Variants in ZXDC observed in about 807,000 individuals in gnomAD.
ZXDC encodes the protein zinc finger protein ZXDC.
A neutral mutation model predicts 63.6 loss-of-function variants in ZXDC; 58 were observed. That is an observed-to-expected ratio of 0.91 (90% CI 0.74 to 1.13). ZXDC has a LOEUF of 1.13. Ranked by LOEUF, ZXDC falls within the 50% of genes most tolerant of loss-of-function variation. The pLI is 0.00. For missense variants in ZXDC, 1,133 were observed against 1,148.9 expected, an observed-to-expected ratio of 0.99 and a Z score of 0.20; for synonymous variants, 561 against 496.1, an observed-to-expected ratio of 1.13 and a Z score of -1.74.
rs2107665473 is a variant in ZXDC at position 126,475,789 on chromosome 3, C to T, written c.77G>A (p.Arg26Gln). ...GCTCGCGCCGAGCGGCGCTGGGGCT[C>T]GGCGGAGCGGGCCGGGGCCGCCGCC... Reference protein sequence around the residue: ...QHGGGPGPLRRAPAPLGASPA... With the variant: ...QHGGGPGPLRQAPAPLGASPA... Residue 26 changes from arginine to glutamine, a missense_variant, in exon 1 of 10, where the codon CGA becomes CAA. Coordinates refer to ENST00000389709, the MANE Select transcript of ZXDC (RefSeq NM_025112.5). 10 of 1,108,972 alleles carry T rather than the reference C, an allele frequency of 9.0e-6. No homozygotes were observed. The highest frequency in any genetic ancestry group is 9.9e-6 in the Non-Finnish European group (9 of 911,060). 68.7% of individuals were successfully genotyped at this position (1,108,972 alleles called of 1,614,324 possible).
At chr3:126,458,982 A>G (rs1184652855) in intron 7 of ZXDC, 2 of 980,616 alleles carry the variant, frequency 2.0e-6, no homozygotes, top group East Asian at 2.3e-4. Flanking sequence ...ATATAAAATC[A>G]TATCAACCCT....
chr3:126,457,633 C>G (rs570795756), intron 7 of ZXDC: 1 of 985,338 alleles, frequency 1.0e-6, no homozygotes. Context: ...GAAACTCACA[C>G]AGATTCAAAC....
chr3:126,465,442 T>G (rs1225440448), intron 5 of ZXDC, among the ~76,000 whole-genome samples: 1 of 152,212 alleles, frequency 6.6e-6, no homozygotes, highest in East Asian at 1.9e-4. Context: ...TCTCTAACCC[T>G]GCCCTCTCCA....
intron 7 of ZXDC, chr3:126,451,586 G>A (rs909412097): frequency 7.1e-6 from 7 of 985,290 alleles, no homozygotes; most frequent in Admixed American, 6.1e-5. Flanking sequence ...GCACAAGGAC[G>A]CGCTGTGTGC....
rs1024041193 is a variant in ZXDC, at chr3:126,441,161, G to A, written c.2394+604C>T. The A allele has an allele frequency of 5.1e-6, 5 of 985,572 alleles. No homozygotes were observed. In the South Asian group the frequency reaches 1.9e-4, roughly 37 times the overall value. 61.1% of individuals were successfully genotyped at this position (985,572 alleles called of 1,614,324 possible). ...AGGTGTGCTCAGGGCTGCTGAAGCAGGTGTGCTCAAAGACCTCCTGGAAAC... is the reference window on the plus strand; with the variant it reads ...AGGTGTGCTCAGGGCTGCTGAAGCAAGTGTGCTCAAAGACCTCCTGGAAAC... On this transcript the variant is annotated intron_variant, in intron 8 of 9. Coordinates refer to ENST00000389709, the MANE Select transcript of ZXDC (RefSeq NM_025112.5).
chr3:126,471,072 C>T, intron 3 of ZXDC, 47 bp from the exon 4 acceptor site: 2 of 1,593,810 alleles, frequency 1.3e-6, no homozygotes, highest in Non-Finnish European at 1.7e-6. Flanking sequence ...ACACAACTCA[C>T]CATAATTCTT....
chr3:126,465,708 T>C (rs1934728967), intron 5 of ZXDC, among the ~76,000 whole-genome samples: 1 of 151,950 alleles, frequency 6.6e-6, no homozygotes, highest in Admixed American at 6.6e-5. Context: ...CCCAGCACTT[T>C]GGGAGGCTGA....
At chr3:126,454,065 T>TA (rs1553798028) in intron 7 of ZXDC, 40,172 of 562,950 alleles carry the variant, frequency 0.071, 852 homozygotes, top group Admixed American at 0.15. Context: ...TATATATATA[T>TA]TTTTTTTTTT....
At chr3:126,458,109 T>C (rs777506) in intron 7 of ZXDC, among the ~76,000 whole-genome samples, 137,783 of 152,212 alleles carry the variant, frequency 0.91, 62,821 homozygotes, top group East Asian at 0.99. Context: ...GACAGTTACA[T>C]AAAATATTTG....
At chr3:126,461,087 T>C in intron 6 of ZXDC, 1 of 985,958 alleles carries the variant, frequency 1.0e-6, no homozygotes, top group Non-Finnish European at 1.2e-6. Flanking sequence ...CCACCCTTTT[T>C]TTTTTTCTTG....
rs898109873 is a variant in ZXDC, at chr3:126,439,622, G to C, written c.2490+10C>G. 1.9e-6 allele frequency: 3 copies of C among 1,552,112 alleles called. No individual in the cohort carries two copies. Among genetic ancestry groups the C allele is most frequent in the African/African-American group, 1.4e-5 (1 of 73,082 alleles). ...AATAAGAAAAACAAAGGGCAGTAAG[G>C]CATCCAGACCTGGAGGACGTAGACG... On this transcript the variant is annotated intron_variant, in intron 9 of 9. Coordinates refer to ENST00000389709, the MANE Select transcript of ZXDC (RefSeq NM_025112.5).
chr3:126,473,546 A>ATG (rs1159590790), intron 1 of ZXDC, among the ~76,000 whole-genome samples: 2 of 152,202 alleles, frequency 1.3e-5, no homozygotes, highest in African/African-American at 2.4e-5. Context: ...CATACACAGA[A>ATG]TGATACTCTT....
intron 7 of ZXDC, chr3:126,453,816 T>A: frequency 1.0e-6 from 1 of 978,922 alleles, no homozygotes; most frequent in Non-Finnish European, 1.2e-6. Flanking sequence ...TGCCTCAGCC[T>A]CCTGAGTAGC....
Position 126,438,143 on chromosome 3 carries a change from T to G in ZXDC, c.*232A>C, listed in dbSNP as rs540051747. On this transcript the variant is annotated 3_prime_UTR_variant, in exon 10 of 10. Coordinates refer to ENST00000389709, the MANE Select transcript of ZXDC (RefSeq NM_025112.5). ...ACCTAGCCCTGCTGAGGGAGACCCT[T>G]GCCTTGCCAAAGCACTTTGCTCACA... 2.3e-4 allele frequency: 131 copies of G among 574,554 alleles called. 2 individuals are homozygous for G. In the South Asian group the frequency reaches 2.6e-3, roughly 11 times the overall value. 35.6% of individuals were successfully genotyped at this position (574,554 alleles called of 1,614,324 possible).
intron 7 of ZXDC, among the ~76,000 whole-genome samples, chr3:126,444,348 C>T (rs141901836): frequency 0.025 from 3,835 of 152,132 alleles, 71 homozygotes; most frequent in Non-Finnish European, 0.037. Context: ...CTGGCTAACA[C>T]GGTGAAACCT....
chr3:126,459,541 C>A, intron 7 of ZXDC, 112 bp downstream of exon 7: 2 of 1,553,446 alleles, frequency 1.3e-6, no homozygotes, highest in South Asian at 1.2e-5. Context: ...GTATTCTGAA[C>A]AGAAAAGTAA....
intron 7 of ZXDC, chr3:126,453,509 T>G: frequency 2.0e-6 from 2 of 985,448 alleles, no homozygotes; most frequent in Non-Finnish European, 2.4e-6. Flanking sequence ...TACATAATAG[T>G]TGGCTTACAC....
chr3:126,456,811 T>C (rs760352882), intron 7 of ZXDC, among the ~76,000 whole-genome samples: 3 of 152,188 alleles, frequency 2.0e-5, no homozygotes, highest in African/African-American at 4.8e-5. Flanking sequence ...TACTGCAAGA[T>C]AGTTAATTAC....
Position 126,475,597 on chromosome 3 carries a change from G to C in ZXDC, c.269C>G (p.Ala90Gly). ...EVPHGGAAAE[A>G]AGSQEAEPGS... ...AGGCTCGGCCTCCTGTGATCCGGCAGCCTCGGCGGCAGCGCCGCCGTGCGG... is the reference window on the plus strand; with the variant it reads ...AGGCTCGGCCTCCTGTGATCCGGCACCCTCGGCGGCAGCGCCGCCGTGCGG... The change falls in exon 1 of 10, where the codon GCT (alanine) becomes GGT (glycine). Residue 90 changes from alanine to glycine, a missense_variant. By Grantham distance (60) the Ala-to-Gly change is moderately conservative. Transcript: ENST00000389709. 1 of 1,468,504 alleles carries C rather than the reference G, an allele frequency of 6.8e-7. No individual in the cohort carries two copies. The highest frequency in any genetic ancestry group is 9.0e-7 in the Non-Finnish European group (1 of 1,107,976). 91.0% of individuals were successfully genotyped at this position (1,468,504 alleles called of 1,614,324 possible).
Sources: allele counts gnomAD v4.1 joint callset (sites outside exome capture counted in the v4.1 genomes callset), GRCh38; gene constraint gnomAD v4.1.1; transcripts MANE v1.5; gene names NCBI Gene and HGNC (gene_info 2026-07-23, HGNC 2026-07-21).